Variants in GRIN2A observed in about 807,000 individuals in gnomAD.
The protein encoded by GRIN2A is glutamate receptor ionotropic, NMDA 2A.
A neutral mutation model predicts 113.4 loss-of-function variants in GRIN2A; 22 were observed. That is an observed-to-expected ratio of 0.19 (90% CI 0.14 to 0.28). GRIN2A has a LOEUF of 0.28. Ranked by LOEUF, GRIN2A falls within the 10% of genes least tolerant of loss-of-function variation. The probability of loss-of-function intolerance (pLI) is 1.00; values close to 1 mark genes in which losing one functional copy is unlikely to be tolerated. For missense variants in GRIN2A, 1,502 were observed against 1,887.0 expected (o/e 0.80, Z 3.78); for synonymous variants, 827 against 738.4 (o/e 1.12, Z -1.94).
chr16:10,022,573 CT>C (rs766382137), intron 2 of GRIN2A, among the ~76,000 whole-genome samples: 3 of 152,338 alleles, frequency 2.0e-5, no homozygotes, highest in East Asian at 3.9e-4. Flanking sequence ...GCACCATAGT[CT>C]ATTTCCCACC....
rs587780354 is a variant in GRIN2A, at chr16:9,763,991, T to C, written c.3553A>G (p.Lys1185Glu). Residue 1185 changes from lysine (K) to glutamate (E), a missense_variant, in exon 13 of 13, where the codon AAA becomes GAA. By Grantham distance (56) the Lys-to-Glu change is moderately conservative. This residue lies in a region of GRIN2A where 832 missense variants were observed against 789.7 expected (regional missense o/e 1.05). Transcript: ENST00000330684. The part of the protein sequence containing the change: ...EEGLSNNDQY[K>E]LYSKHFTLKD... ...AAGGTGAAGTGCTTGGAGTAGAGTT[T>C]ATACTGGTCGTTGTTGGAAAGCCCC... 6.2e-7 allele frequency: 1 copy of C among 1,614,126 alleles called. No homozygotes were observed. The highest frequency in any genetic ancestry group is 8.5e-7 in the Non-Finnish European group (1 of 1,180,006).
intron 11 of GRIN2A, among the ~76,000 whole-genome samples, chr16:9,794,473 A>G (rs1902842099): frequency 6.6e-6 from 1 of 152,178 alleles, no homozygotes; most frequent in Non-Finnish European, 1.5e-5. Flanking sequence ...GCTGCATACG[A>G]TAAGTGAAAT....
At chr16:10,054,487 A>C (rs944326263) in intron 2 of GRIN2A, among the ~76,000 whole-genome samples, 1 of 152,218 alleles carries the variant, frequency 6.6e-6, no homozygotes, top group South Asian at 2.1e-4. Context: ...ACAAATTGGC[A>C]ATCTCTGGTG....
At chr16:10,123,282 T>A (rs754970246) in intron 2 of GRIN2A, among the ~76,000 whole-genome samples, 1 of 152,216 alleles carries the variant, frequency 6.6e-6, no homozygotes, top group Non-Finnish European at 1.5e-5. Context: ...CGGGGCTCCC[T>A]GCGTACTTAG....
intron 2 of GRIN2A, chr16:10,037,190 T>A (rs1346079634): frequency 6.6e-6 from 1 of 152,154 alleles, no homozygotes; most frequent in Non-Finnish European, 1.5e-5. Context: ...GCTGACCTGG[T>A]CGGTCATTTA....
At chr16:9,804,363 A>G (rs539743789) in intron 10 of GRIN2A, among the ~76,000 whole-genome samples, 1 of 152,236 alleles carries the variant, frequency 6.6e-6, no homozygotes, top group South Asian at 2.1e-4. Context: ...CCTTAGAACC[A>G]AGAGCATCCA....
chr16:9,941,205 G>C (rs72772131), intron 2 of GRIN2A, among the ~76,000 whole-genome samples: 14,130 of 152,206 alleles, frequency 0.093, 751 homozygotes, highest in African/African-American at 0.11. Flanking sequence ...GGGAAGATTG[G>C]TACTGGTGGA....
chr16:9,877,205 T>C (rs1176452579), intron 4 of GRIN2A, among the ~76,000 whole-genome samples: 2 of 152,196 alleles, frequency 1.3e-5, no homozygotes, highest in African/African-American at 2.4e-5. Flanking sequence ...ACAGGGTTAT[T>C]ATGCGGCTAA....
intron 3 of GRIN2A, among the ~76,000 whole-genome samples, chr16:9,905,851 G>T (rs2044018639): frequency 6.6e-6 from 1 of 152,128 alleles, no homozygotes; most frequent in African/African-American, 2.4e-5. Context: ...GGAATTGTTG[G>T]CTCTAAACCA....
At chr16:9,813,971 A>C (rs1213210296) in intron 10 of GRIN2A, among the ~76,000 whole-genome samples, 3 of 152,154 alleles carry the variant, frequency 2.0e-5, no homozygotes, top group Non-Finnish European at 4.4e-5. Flanking sequence ...AAATACAGCA[A>C]ATAAAACCTG....
chr16:10,056,706 G>A (rs2047462323), intron 2 of GRIN2A, among the ~76,000 whole-genome samples: 1 of 152,108 alleles, frequency 6.6e-6, no homozygotes, highest in Admixed American at 6.5e-5. Context: ...TGGAAACAGA[G>A]ACTAGAATGA....
At chr16:10,145,103 A>G (rs2049412395) in intron 2 of GRIN2A, among the ~76,000 whole-genome samples, 1 of 152,120 alleles carries the variant, frequency 6.6e-6, no homozygotes, top group South Asian at 2.1e-4. Flanking sequence ...AAACTGCATG[A>G]TTCCACCCAT....
chr16:10,043,202 C>T (rs1433425457), intron 2 of GRIN2A, among the ~76,000 whole-genome samples: 2 of 152,162 alleles, frequency 1.3e-5, no homozygotes, highest in Non-Finnish European at 2.9e-5. Flanking sequence ...ATTATCACCC[C>T]TACTTTACAG....
chr16:9,963,147 A>G (rs2045476918), intron 2 of GRIN2A, among the ~76,000 whole-genome samples: 1 of 149,738 alleles, frequency 6.7e-6, no homozygotes, highest in Non-Finnish European at 1.5e-5. Flanking sequence ...GAGGGATAGC[A>G]TTAGGAGATA....
At chr16:9,887,296 C>T (rs2043603762) in intron 4 of GRIN2A, among the ~76,000 whole-genome samples, 1 of 152,260 alleles carries the variant, frequency 6.6e-6, no homozygotes, top group African/African-American at 2.4e-5. Flanking sequence ...GAAATAACTG[C>T]CATCACTCCA....
intron 4 of GRIN2A, among the ~76,000 whole-genome samples, chr16:9,860,560 ACTTACTGAAGAC>A (rs1243260437): frequency 1.3e-5 from 2 of 151,828 alleles, no homozygotes; most frequent in African/African-American, 4.8e-5. Context: ...GGGGATGAGG[ACTTACTGAAGAC>A]CTTACTGAAA....
chr16:10,055,046 T>TAAAAAAAA (rs1567266287), intron 2 of GRIN2A, among the ~76,000 whole-genome samples: 10 of 12,498 alleles, frequency 8.0e-4, no homozygotes, highest in African/African-American at 9.6e-4. Flanking sequence ...AGACTCTATC[T>TAAAAAAAA]CAAAAAAAAA....
intron 3 of GRIN2A, among the ~76,000 whole-genome samples, chr16:9,899,100 G>A (rs13332435): frequency 0.029 from 4,479 of 151,934 alleles, 223 homozygotes; most frequent in African/African-American, 0.1. Context: ...CCTGTTCCCC[G>A]TGAACAATTA....
chr16:9,965,718 C>T (rs1295924597), intron 2 of GRIN2A, among the ~76,000 whole-genome samples: 1 of 152,108 alleles, frequency 6.6e-6, no homozygotes, highest in African/African-American at 2.4e-5. Flanking sequence ...GGAAATCACC[C>T]AGGATCACAA....
Sources: allele counts gnomAD v4.1 joint callset (sites outside exome capture counted in the v4.1 genomes callset), GRCh38; gene constraint gnomAD v4.1.1; regional missense constraint gnomAD v4.1.1; transcripts MANE v1.5; gene names NCBI Gene and HGNC (gene_info 2026-07-23, HGNC 2026-07-21).